IFNLR1: variants seen among roughly 807,000 people sequenced by gnomAD.
IFNLR1 encodes the protein CRF2-12.
IFNLR1 carries 28 observed loss-of-function variants against 52.5 expected under a neutral mutation model. The ratio of observed to expected loss-of-function variants is 0.53; its 90% CI spans 0.40 to 0.73. The LOEUF is 0.73. Ranked by LOEUF, IFNLR1 falls within the 30% of genes least tolerant of loss-of-function variation. The probability of loss-of-function intolerance (pLI) is 0.00; values close to 1 mark genes in which losing one functional copy is unlikely to be tolerated. For missense variants in IFNLR1, 623 were observed against 659.1 expected (o/e 0.95, Z 0.60); for synonymous variants, 276 against 274.9 (o/e 1.00, Z -0.04).
chr1:24,177,953 G>A (rs576424597), intron 2 of IFNLR1, among the ~76,000 whole-genome samples: 6 of 152,290 alleles, frequency 3.9e-5, no homozygotes, highest in Admixed American at 6.5e-5. Context: ...TAGATGGGAA[G>A]CACCCGTATA....
At chr1:24,159,294 C>A (rs1644415116) in intron 5 of IFNLR1, 112 bp from the exon 6 acceptor site, 2 of 1,394,378 alleles carry the variant, frequency 1.4e-6, no homozygotes, top group East Asian at 2.3e-5. Flanking sequence ...AAGAATAAAC[C>A]CATCCTGCAG....
intron 1 of IFNLR1, among the ~76,000 whole-genome samples, chr1:24,182,698 G>A (rs1644703025): frequency 6.6e-6 from 1 of 152,080 alleles, no homozygotes; most frequent in Non-Finnish European, 1.5e-5. Flanking sequence ...GATGTGGGCA[G>A]ATCCCGAGGT....
rs201536574 is a variant in IFNLR1 at position 24,163,585 on chromosome 1, TC to T, written c.368-1902del. ...CCAAAATCCACATCTCTTTCTTTTT[TC>T]TTTTTTTTTTTAGATGGAGTTTCAC... On this transcript the variant is annotated intron_variant, in intron 3 of 6. Transcript: ENST00000327535. Among the ~76,000 whole-genome samples, 165 of 110,766 alleles carry T rather than the reference TC, an allele frequency of 1.5e-3. 5 individuals are homozygous for T. Among genetic ancestry groups the T allele is most frequent in the Admixed American group, 1.8e-3 (20 of 11,150 alleles). 72.7% of individuals were successfully genotyped at this position (110,766 alleles called of 152,430 possible).
chr1:24,178,481 G>A (rs1313827476), intron 2 of IFNLR1, among the ~76,000 whole-genome samples: 1 of 152,102 alleles, frequency 6.6e-6, no homozygotes, highest in African/African-American at 2.4e-5. Flanking sequence ...GAGGGACCTG[G>A]AACATCTTGT....
At chr1:24,186,106 A>G (rs137997854) in intron 1 of IFNLR1, among the ~76,000 whole-genome samples, 8 of 152,294 alleles carry the variant, frequency 5.3e-5, no homozygotes, top group Non-Finnish European at 1.2e-4. Flanking sequence ...AAAGGGGAAC[A>G]GAAGACCCCA....
intron 2 of IFNLR1, among the ~76,000 whole-genome samples, chr1:24,176,164 T>C (rs950471706): frequency 3.3e-5 from 5 of 152,092 alleles, no homozygotes; most frequent in Non-Finnish European, 7.4e-5. Flanking sequence ...TAAAAAGGAA[T>C]TAACTACTGA....
Position 24,180,851 on chromosome 1 carries a change from C to T in IFNLR1, c.62G>A (p.Arg21Lys), listed in dbSNP as rs1250782669. The T allele has an allele frequency of 6.2e-6, 10 of 1,613,046 alleles. No homozygotes were observed. Among genetic ancestry groups the T allele is most frequent in the East Asian group, 4.5e-5 (2 of 44,866 alleles). ...LLCLLQAAPG[R>K]PRLAPPQNVT... Reference sequence around the variant, plus strand: ...ATTCTGGGGAGGGGCCAGACGGGGCCTCCCTGGGGGAAAGAAAGGGGTCAT... The same window carrying T: ...ATTCTGGGGAGGGGCCAGACGGGGCTTCCCTGGGGGAAAGAAAGGGGTCAT... Residue 21 changes from arginine to lysine, a missense_variant, in exon 2 of 7, where the codon AGG becomes AAG. By Grantham distance (26) the Arg-to-Lys change is conservative (BLOSUM62 2). Coordinates refer to ENST00000327535, the MANE Select transcript of IFNLR1 (RefSeq NM_170743.4).
chr1:24,165,239 G>A (rs569277923), intron 3 of IFNLR1, among the ~76,000 whole-genome samples: 17 of 152,212 alleles, frequency 1.1e-4, no homozygotes, highest in Non-Finnish European at 2.2e-4. Context: ...AACCTTCTCG[G>A]ATAAGCATTC....
intron 3 of IFNLR1, among the ~76,000 whole-genome samples, chr1:24,162,070 A>C (rs1644449527): frequency 6.6e-6 from 1 of 152,080 alleles, no homozygotes; most frequent in Admixed American, 6.6e-5. Flanking sequence ...CTTAAAAATG[A>C]TACAAACTTA....
intron 3 of IFNLR1, among the ~76,000 whole-genome samples, chr1:24,168,006 T>G (rs1403787286): frequency 6.6e-6 from 1 of 152,184 alleles, no homozygotes; most frequent in Non-Finnish European, 1.5e-5. Context: ...TGGCCTCCTC[T>G]TAGTGTATCT....
chr1:24,165,924 T>C (rs1009213677), intron 3 of IFNLR1, among the ~76,000 whole-genome samples: 1 of 152,028 alleles, frequency 6.6e-6, no homozygotes, highest in African/African-American at 2.4e-5. Context: ...CACGGCCACA[T>C]ATGAGAGCAG....
At chr1:24,173,103 T>A (rs1644597732) in intron 2 of IFNLR1, among the ~76,000 whole-genome samples, 1 of 130,292 alleles carries the variant, frequency 7.7e-6, no homozygotes, top group Non-Finnish European at 1.6e-5. Context: ...CTGGATTTTA[T>A]CAAATTAAAA....
intron 3 of IFNLR1, among the ~76,000 whole-genome samples, chr1:24,164,759 CT>C (rs61550265): frequency 0.04 from 5,623 of 140,456 alleles, 104 homozygotes; most frequent in African/African-American, 0.072. Context: ...GGAGCAATCT[CT>C]TTTTTTTTTT....
chr1:24,180,296 CA>C (rs5773074), intron 2 of IFNLR1, among the ~76,000 whole-genome samples: 52,605 of 127,930 alleles, frequency 0.41, 10,297 homozygotes, highest in African/African-American at 0.52. Flanking sequence ...GACTCTGTCT[CA>C]AAAAAAAAAA....
At chr1:24,172,863 C>T (rs1475858816) in intron 2 of IFNLR1, among the ~76,000 whole-genome samples, 6 of 152,114 alleles carry the variant, frequency 3.9e-5, no homozygotes, top group East Asian at 1.9e-4. Context: ...TGCAGATGGC[C>T]GTCATCTTGC....
intron 3 of IFNLR1, among the ~76,000 whole-genome samples, chr1:24,165,359 C>T (rs903973556): frequency 3.9e-5 from 6 of 152,214 alleles, no homozygotes; most frequent in African/African-American, 9.6e-5. Context: ...TTCAATTACA[C>T]GTTCCTTACC....
rs10903035 is a variant in IFNLR1, at chr1:24,155,450, G to A, written c.*1680C>T. 95,191 of 152,038 alleles carry A rather than the reference G, an allele frequency of 0.63. 30,061 individuals are homozygous for A. Among genetic ancestry groups the A allele is most frequent in the Non-Finnish European group, 0.66 (44,562 of 67,986 alleles). 9.4% of individuals were successfully genotyped at this position (152,038 alleles called of 1,614,324 possible). On this transcript the variant is annotated 3_prime_UTR_variant, in exon 7 of 7. Coordinates refer to ENST00000327535, the MANE Select transcript of IFNLR1 (RefSeq NM_170743.4). ...CAGCTCCTTTGCAACAAAAGGAGTG[G>A]TTTGCTAACTTTTTCTTGAGTAGTG...
chr1:24,183,576 T>C (rs921867326), intron 1 of IFNLR1, among the ~76,000 whole-genome samples: 1 of 152,140 alleles, frequency 6.6e-6, no homozygotes, highest in Non-Finnish European at 1.5e-5. Flanking sequence ...CAAGACCCTG[T>C]CTCTACGAAA....
At chr1:24,171,227 A>G (rs1644575223) in intron 2 of IFNLR1, among the ~76,000 whole-genome samples, 1 of 151,902 alleles carries the variant, frequency 6.6e-6, no homozygotes, top group Non-Finnish European at 1.5e-5. Context: ...CATCTCACCC[A>G]GCAATTGATG....
Sources: allele counts gnomAD v4.1 joint callset (sites outside exome capture counted in the v4.1 genomes callset), GRCh38; gene constraint gnomAD v4.1.1; transcripts MANE v1.5; gene names NCBI Gene and HGNC (gene_info 2026-07-23, HGNC 2026-07-21).